Variants in PRKG1 observed in about 807,000 individuals in gnomAD.
The protein encoded by PRKG1 is protein kinase cGMP-dependent 1.
PRKG1 carries 35 observed loss-of-function variants against 88.1 expected under a neutral mutation model. The ratio of observed to expected loss-of-function variants is 0.40; its 90% CI spans 0.30 to 0.53. The LOEUF (loss-of-function observed/expected upper bound fraction) is 0.53, where lower values mean the gene tolerates loss of function less well. PRKG1 is among the 20% of genes least tolerant of loss of function. The pLI, the probability that PRKG1 is intolerant of heterozygous loss-of-function variation, is 0.59. For synonymous variants in PRKG1, 303 were observed against 292.5 expected, an observed-to-expected ratio of 1.04 and a Z score of -0.37; for missense variants, 540 against 839.8, an observed-to-expected ratio of 0.64 and a Z score of 4.41.
intron 8 of PRKG1, among the ~76,000 whole-genome samples, chr10:52,142,992 G>A (rs767456188): frequency 3.3e-5 from 5 of 152,142 alleles, no homozygotes; most frequent in Admixed American, 6.6e-5. Flanking sequence ...AATGGATGAT[G>A]CCATATTAGT....
At chr10:51,768,146 G>A (rs1478972859) in intron 3 of PRKG1, among the ~76,000 whole-genome samples, 1 of 152,080 alleles carries the variant, frequency 6.6e-6, no homozygotes, top group Non-Finnish European at 1.5e-5. Flanking sequence ...TTCATGAAAT[G>A]CAGATTTTTG....
intron 8 of PRKG1, among the ~76,000 whole-genome samples, chr10:52,143,547 A>G (rs946564265): frequency 6.6e-6 from 1 of 152,176 alleles, no homozygotes; most frequent in African/African-American, 2.4e-5. Flanking sequence ...TGCCAAGCCA[A>G]TAGAACTTGT....
chr10:51,699,066 A>C, intron 3 of PRKG1: 1 of 1,614,216 alleles, frequency 6.2e-7, no homozygotes, highest in Non-Finnish European at 8.5e-7. Context: ...TTTTGAAGTA[A>C]CATGTTTCGA....
At chr10:51,815,810 T>TGG (rs1839569941) in intron 4 of PRKG1, among the ~76,000 whole-genome samples, 1 of 152,184 alleles carries the variant, frequency 6.6e-6, no homozygotes, top group Non-Finnish European at 1.5e-5. Context: ...TGTCTATGAA[T>TGG]CTGAGAATCC....
chr10:51,848,426 T>A (rs1483528025), intron 4 of PRKG1, among the ~76,000 whole-genome samples: 1 of 152,132 alleles, frequency 6.6e-6, no homozygotes, highest in Non-Finnish European at 1.5e-5. Flanking sequence ...ATATCATGAT[T>A]AAAGAGAAGT....
intron 5 of PRKG1, among the ~76,000 whole-genome samples, chr10:51,952,317 T>C (rs1251476466): frequency 6.6e-6 from 1 of 152,218 alleles, no homozygotes; most frequent in Non-Finnish European, 1.5e-5. Flanking sequence ...TATCCAAATG[T>C]GCATTTTCAT....
At chr10:51,370,741 T>C (rs1016687663) in intron 2 of PRKG1, among the ~76,000 whole-genome samples, 17 of 152,286 alleles carry the variant, frequency 1.1e-4, no homozygotes, top group Admixed American at 9.2e-4. Context: ...CAAAATATTA[T>C]GTCAATGTGA....
At chr10:51,209,464 T>C (rs1838155599) in intron 2 of PRKG1, among the ~76,000 whole-genome samples, 1 of 152,168 alleles carries the variant, frequency 6.6e-6, no homozygotes, top group African/African-American at 2.4e-5. Context: ...GTGTAAGAAC[T>C]GTTCACTCAT....
intron 2 of PRKG1, among the ~76,000 whole-genome samples, chr10:51,193,104 A>G (rs1011774887): frequency 3.9e-5 from 6 of 152,100 alleles, no homozygotes; most frequent in Non-Finnish European, 7.4e-5. Flanking sequence ...ATTAGGTTTG[A>G]AAGATGAATG....
At chr10:51,869,319 A>T (rs1038495338) in intron 4 of PRKG1, among the ~76,000 whole-genome samples, 2 of 152,042 alleles carry the variant, frequency 1.3e-5, no homozygotes, top group Admixed American at 6.6e-5. Context: ...CTTTAAATGC[A>T]TTGTTTATCA....
chr10:51,941,992 G>A (rs889265650), intron 5 of PRKG1, among the ~76,000 whole-genome samples: 3 of 151,994 alleles, frequency 2.0e-5, no homozygotes, highest in Non-Finnish European at 4.4e-5. Flanking sequence ...GGGTCAAATG[G>A]TATTTCTAGT....
intron 2 of PRKG1, 116 bp downstream of exon 2, chr10:51,153,446 A>G: frequency 9.4e-7 from 1 of 1,061,740 alleles, no homozygotes; most frequent in Non-Finnish European, 1.3e-6. Flanking sequence ...TTTTATTGAG[A>G]AATTAGTTTG....
At chr10:51,948,758 A>G (rs1419793543) in intron 5 of PRKG1, among the ~76,000 whole-genome samples, 2 of 152,202 alleles carry the variant, frequency 1.3e-5, no homozygotes, top group African/African-American at 4.8e-5. Context: ...AAGAAGATTC[A>G]CAAAATCAAC....
At chr10:51,477,961 T>G (rs293303) in intron 3 of PRKG1, among the ~76,000 whole-genome samples, 107,207 of 151,872 alleles carry the variant, frequency 0.71, 39,173 homozygotes, top group African/African-American at 0.85. Context: ...AAGGATATAG[T>G]GGCAAAGATT....
intron 3 of PRKG1, among the ~76,000 whole-genome samples, chr10:51,702,405 T>C (rs1479043100): frequency 6.6e-6 from 1 of 152,198 alleles, no homozygotes; most frequent in Non-Finnish European, 1.5e-5. Flanking sequence ...GATAAACCTA[T>C]GTATATTTCC....
chr10:51,750,979 C>A (rs1251197946), intron 3 of PRKG1, among the ~76,000 whole-genome samples: 4 of 152,040 alleles, frequency 2.6e-5, no homozygotes, highest in Non-Finnish European at 5.9e-5. Context: ...ATCAGTGCCC[C>A]TTTTCTGGTG....
chr10:51,397,140 T>G (rs1448617199), intron 2 of PRKG1, among the ~76,000 whole-genome samples: 1 of 151,706 alleles, frequency 6.6e-6, no homozygotes, highest in Non-Finnish European at 1.5e-5. Context: ...TTTTTTTTTT[T>G]TTTGGTGCCC....
At chr10:51,008,215 A>T (rs989935640) in intron 1 of PRKG1, among the ~76,000 whole-genome samples, 1 of 152,152 alleles carries the variant, frequency 6.6e-6, no homozygotes, top group Non-Finnish European at 1.5e-5. Context: ...CCATCTCCAA[A>T]GATTCTGGCT....
chr10:52,070,639 T>A (rs1051968161), intron 7 of PRKG1, among the ~76,000 whole-genome samples: 3 of 152,166 alleles, frequency 2.0e-5, no homozygotes, highest in African/African-American at 7.2e-5. Context: ...TCATCATATG[T>A]CCTTACCTCC....
Sources: gnomAD v4.1 joint callset for allele counts (sites outside exome capture counted in the v4.1 genomes callset) on GRCh38, gnomAD v4.1.1 for gene constraint, MANE v1.5 for transcripts, NCBI Gene and HGNC (gene_info 2026-07-23, HGNC 2026-07-21) for gene names.